Variants in COL28A1 observed in about 807,000 individuals in gnomAD.
The protein encoded by COL28A1 is collagen alpha-1(XXVIII) chain.
In COL28A1, 161 loss-of-function variants were observed where a neutral mutation model predicts 150.2. The observed-to-expected ratio is 1.07, with a 90% CI of 0.94 to 1.22. The LOEUF is 1.22. COL28A1 is among the 50% of genes most tolerant of loss of function. The probability of loss-of-function intolerance (pLI) is 0.00; values close to 1 mark genes in which losing one functional copy is unlikely to be tolerated. For synonymous variants in COL28A1, 552 were observed against 469.7 expected (o/e 1.18, Z -2.26); for missense variants, 1,617 against 1,388.3 (o/e 1.16, Z -2.62).
rs1257356162 is a variant in COL28A1 at position 7,506,035 on chromosome 7, T to G, written c.1005A>C (p.Pro335=). ...GITGPPGDPG[P]KGFQGNKGEP... Reference sequence around the variant, plus strand: ...TTACCTTATTGCCTTGAAACCCCTTTGGGCCTGGGTCTCCTGGAGGTCCAG... The same window carrying G: ...TTACCTTATTGCCTTGAAACCCCTTGGGGCCTGGGTCTCCTGGAGGTCCAG... Residue 335 remains proline, a synonymous_variant, in exon 11 of 35, where the codon CCA becomes CCC. Transcript: ENST00000399429. The G allele has an allele frequency of 4.7e-6, 7 of 1,473,900 alleles. No individual in the cohort carries two copies. In the South Asian group the frequency reaches 7.9e-5, roughly 17 times the overall value. 91.3% of individuals were successfully genotyped at this position (1,473,900 alleles called of 1,614,324 possible).
Position 7,384,284 on chromosome 7 carries a change from G to A in COL28A1, c.2137-2672C>T, listed in dbSNP as rs558789870. ...CTACAATGTCTTGGGCCCACCTAAGGAGGCTCACCCAGAAGAGGAGTGCTT... is the reference window on the plus strand; with the variant it reads ...CTACAATGTCTTGGGCCCACCTAAGAAGGCTCACCCAGAAGAGGAGTGCTT... On this transcript the variant is annotated intron_variant, in intron 27 of 34. Transcript: ENST00000399429. Among the ~76,000 whole-genome samples the A allele has an allele frequency of 3.9e-5, 6 of 152,276 alleles. No homozygotes were observed. The East Asian group carries it at 5.8e-4, about 15-fold the overall frequency.
At chr7:7,446,159 G>A (rs1310562733) in intron 18 of COL28A1, among the ~76,000 whole-genome samples, 1 of 151,944 alleles carries the variant, frequency 6.6e-6, no homozygotes, top group Non-Finnish European at 1.5e-5. Context: ...TGCCTGGCCA[G>A]TAATGCCTTT....
chr7:7,348,639 T>C, the COL28A1 span, among the ~76,000 whole-genome samples: 4 of 87,162 alleles, frequency 4.6e-5, no homozygotes, highest in Non-Finnish European at 9.4e-5. Context: ...TTCATTAGTT[T>C]CTGCTCTTTT....
chr7:7,480,207 G>T (rs1789275349), intron 13 of COL28A1, among the ~76,000 whole-genome samples: 1 of 152,084 alleles, frequency 6.6e-6, no homozygotes, highest in African/African-American at 2.4e-5. Context: ...AAAAAGATCT[G>T]TTTTTCAGTG....
chr7:7,429,953 T>C (rs1041862088), intron 25 of COL28A1, among the ~76,000 whole-genome samples: 11 of 152,210 alleles, frequency 7.2e-5, no homozygotes, highest in African/African-American at 2.6e-4. Flanking sequence ...AAAAAAACAA[T>C]AGGCAAGATG....
intron 26 of COL28A1, among the ~76,000 whole-genome samples, chr7:7,418,263 C>T (rs1784213967): frequency 6.6e-6 from 1 of 152,184 alleles, no homozygotes; most frequent in Non-Finnish European, 1.5e-5. Flanking sequence ...TGCCCTGCAC[C>T]ACATATGAAA....
chr7:7,438,505 G>T (rs1229456967), intron 21 of COL28A1, among the ~76,000 whole-genome samples: 1 of 152,074 alleles, frequency 6.6e-6, no homozygotes, highest in Non-Finnish European at 1.5e-5. Context: ...TAGAGGTTGG[G>T]GCCCAGGATT....
intron 32 of COL28A1, 82 bp from the exon 33 acceptor site, chr7:7,370,964 C>T (rs1583230070): frequency 1.1e-6 from 1 of 896,556 alleles, no homozygotes; most frequent in Admixed American, 2.8e-5. Context: ...TCTGCACTCT[C>T]CTTAAAATAT....
intron 3 of COL28A1, among the ~76,000 whole-genome samples, chr7:7,527,547 T>A (rs1583576025): frequency 6.6e-6 from 1 of 151,784 alleles, no homozygotes; most frequent in Admixed American, 6.6e-5. Context: ...CCTTGGGAGG[T>A]GGCGAGGGCT....
In COL28A1 at chr7:7,443,512, T is replaced by C. The variant is rs886710326; in HGVS notation, c.1650+73A>G. On this transcript the variant is annotated intron_variant, in intron 20 of 34. Transcript: ENST00000399429. ...TGACATAGTAAGAATAACAATCAAA[T>C]TTCTTCTAAGTTGGCTCCTCAGTAT... 7 of 1,586,136 alleles carry C rather than the reference T, an allele frequency of 4.4e-6. No homozygotes were observed. The African/African-American group carries it at 9.5e-5, about 22-fold the overall frequency.
intron 6 of COL28A1, 39 bp downstream of exon 6, chr7:7,520,023 A>T: frequency 1.0e-6 from 1 of 954,818 alleles, no homozygotes; most frequent in South Asian, 1.4e-5. Context: ...GTCTAGAAGG[A>T]GATACGCTGG....
chr7:7,458,001 C>A (rs1184703431), intron 15 of COL28A1, among the ~76,000 whole-genome samples: 1 of 152,036 alleles, frequency 6.6e-6, no homozygotes, highest in Non-Finnish European at 1.5e-5. Flanking sequence ...ACAAAAGTAG[C>A]CATAGATAAT....
chr7:7,493,699 G>A (rs757396778), intron 11 of COL28A1, among the ~76,000 whole-genome samples: 30 of 151,996 alleles, frequency 2.0e-4, no homozygotes, highest in Non-Finnish European at 3.1e-4. Flanking sequence ...AGATTCCTGA[G>A]GTAGTAAAGA....
At chr7:7,398,995 C>G (rs1783009080) in intron 27 of COL28A1, among the ~76,000 whole-genome samples, 1 of 152,158 alleles carries the variant, frequency 6.6e-6, no homozygotes, top group Non-Finnish European at 1.5e-5. Flanking sequence ...TTGTCCACTT[C>G]TAAGACCTTA....
chr7:7,388,160 C>T (rs1026011949), intron 27 of COL28A1, among the ~76,000 whole-genome samples: 1 of 152,064 alleles, frequency 6.6e-6, no homozygotes, highest in African/African-American at 2.4e-5. Flanking sequence ...TATCCCTCCC[C>T]TAGCCCCCCA....
chr7:7,448,760 C>A (rs908072913), intron 18 of COL28A1, among the ~76,000 whole-genome samples: 8 of 151,884 alleles, frequency 5.3e-5, no homozygotes, highest in African/African-American at 1.9e-4. Flanking sequence ...TAATACAATA[C>A]TATTCAGCAA....
intron 20 of COL28A1, among the ~76,000 whole-genome samples, chr7:7,442,054 A>C (rs914843454): frequency 6.6e-6 from 1 of 152,226 alleles, no homozygotes; most frequent in Non-Finnish European, 1.5e-5. Context: ...ATTACATGTA[A>C]TAAATCGCCA....
chr7:7,472,967 C>A (rs899722449), intron 15 of COL28A1, among the ~76,000 whole-genome samples: 1 of 152,154 alleles, frequency 6.6e-6, no homozygotes, highest in Admixed American at 6.6e-5. Flanking sequence ...GAATAATTGG[C>A]AAGCCATATG....
Position 7,533,271 on chromosome 7 carries a change from A to G in COL28A1, c.-37-359T>C, listed in dbSNP as rs145907267. Among the ~76,000 whole-genome samples the G allele has an allele frequency of 3.1e-4, 47 of 152,186 alleles. 1 individual carries two copies. In the East Asian group the frequency reaches 8.7e-3, roughly 28 times the overall value. On this transcript the variant is annotated intron_variant, in intron 1 of 34. Coordinates refer to ENST00000399429, the MANE Select transcript of COL28A1 (RefSeq NM_001037763.3). ...CACAGGGTCTGCTTTGACATTTCCA[A>G]ATTCTTCAGGGGGAATTCAGATTGC...
Sources: allele counts gnomAD v4.1 joint callset (sites outside exome capture counted in the v4.1 genomes callset), GRCh38; gene constraint gnomAD v4.1.1; transcripts MANE v1.5; gene names NCBI Gene and HGNC (gene_info 2026-07-23, HGNC 2026-07-21).